The following ATE1 variants were observed in gnomAD, a reference collection of about 807,000 sequenced individuals.
ATE1 encodes the protein arginyl-tRNA--protein transferase 1.
ATE1 carries 36 observed loss-of-function variants against 70.5 expected under a neutral mutation model. That is an observed-to-expected ratio of 0.51 (90% CI 0.39 to 0.67). The LOEUF (loss-of-function observed/expected upper bound fraction) is 0.67. Among genes scored for constraint, ATE1 ranks in the 30% least tolerant of loss-of-function variants. ATE1 has a pLI of 0.00. For missense variants in ATE1, 593 were observed against 629.5 expected (o/e 0.94, Z 0.62); for synonymous variants, 232 against 219.3 (o/e 1.06, Z -0.51).
At position 121,800,045 on chromosome 10, in the gene ATE1, T is replaced by C. The variant is rs12357208; in HGVS notation, c.1258-9756A>G. On this transcript the variant is annotated intron_variant, in intron 10 of 11. Transcript: ENST00000224652. The stretch of plus-strand genomic sequence containing the variant: ...ATATGTGATTTTAATTTTAAAGGGC[T>C]TTAACATCTTTTTAAAAATCTTTCT... Among the ~76,000 whole-genome samples the C allele has an allele frequency of 0.022, 3,306 of 152,290 alleles. 190 individuals are homozygous for C. The East Asian group carries it at 0.26, about 12-fold the overall frequency.
intron 10 of ATE1, among the ~76,000 whole-genome samples, chr10:121,829,800 C>T (rs1055493833): frequency 6.6e-6 from 1 of 152,062 alleles, no homozygotes; most frequent in Non-Finnish European, 1.5e-5. Flanking sequence ...AAAACATGTT[C>T]GTAGATTTTT....
chr10:121,902,050 TA>T (rs1406647998), intron 6 of ATE1, among the ~76,000 whole-genome samples: 4 of 152,236 alleles, frequency 2.6e-5, no homozygotes, highest in Non-Finnish European at 5.9e-5. Flanking sequence ...TTTCACTATC[TA>T]AACCAAAACT....
intron 7 of ATE1, among the ~76,000 whole-genome samples, chr10:121,886,242 A>G (rs1950392738): frequency 6.6e-6 from 1 of 151,814 alleles, no homozygotes; most frequent in Non-Finnish European, 1.5e-5. Context: ...ACATAGCAAG[A>G]TCCTGCTTCT....
intron 7 of ATE1, among the ~76,000 whole-genome samples, chr10:121,875,088 G>A (rs987296079): frequency 7.1e-6 from 1 of 140,854 alleles, no homozygotes; most frequent in African/African-American, 2.6e-5. Context: ...GCAGTGAGTC[G>A]AGACCGCACC....
In ATE1 at chr10:121,918,676, C is replaced by T. The variant is rs184881999; in HGVS notation, c.233+3673G>A. 7.2e-5 allele frequency among the ~76,000 whole-genome samples: 11 copies of T among 152,136 alleles called. No homozygotes were observed. In the South Asian group the frequency reaches 1.0e-3, roughly 14 times the overall value. ...AGAAGATACCTTCTCTTTATAACCA[C>T]GAAAACTGAAAGAGGACAGCACAGG... On this transcript the variant is annotated intron_variant, in intron 3 of 11. Coordinates refer to ENST00000224652, the MANE Select transcript of ATE1 (RefSeq NM_001001976.3).
intron 7 of ATE1, among the ~76,000 whole-genome samples, chr10:121,872,091 G>C (rs1000137094): frequency 1.3e-5 from 2 of 152,108 alleles, no homozygotes; most frequent in African/African-American, 2.4e-5. Context: ...AGGGTTCTAC[G>C]CTTTTCCCCA....
At chr10:121,799,507 T>C (rs918497276) in intron 10 of ATE1, among the ~76,000 whole-genome samples, 6 of 151,936 alleles carry the variant, frequency 3.9e-5, no homozygotes, top group African/African-American at 1.5e-4. Flanking sequence ...GTCTCCCTCC[T>C]GAGCTCTCAA....
At chr10:121,922,916 C>T (rs1425648349) in intron 2 of ATE1, among the ~76,000 whole-genome samples, 1 of 152,156 alleles carries the variant, frequency 6.6e-6, no homozygotes, top group Admixed American at 6.6e-5. Flanking sequence ...TAAACTCCTC[C>T]CTGGAATTCA....
intron 10 of ATE1, among the ~76,000 whole-genome samples, chr10:121,805,321 T>C (rs1947053386): frequency 6.6e-6 from 1 of 152,234 alleles, no homozygotes; most frequent in Admixed American, 6.5e-5. Flanking sequence ...ATTATACTAA[T>C]ATATAATTAA....
Position 121,924,319 on chromosome 10 carries a change from T to A in ATE1, c.117A>T (p.Ala39=). ...ESGSRSNGMW[A]HSMTVQDYQD... ...GATAATCCTGTACTGTCATGGAATG[T>A]GCCCACATGCCTGAAAAAATAAGTA... is the stretch of plus-strand genomic sequence containing the variant. The change falls in exon 2 of 12, where the codon GCA becomes GCT. Residue 39 remains alanine (A), a synonymous_variant. Coordinates refer to ENST00000224652, the MANE Select transcript of ATE1 (RefSeq NM_001001976.3). 1 of 1,613,998 alleles carries A rather than the reference T, an allele frequency of 6.2e-7. No homozygotes were observed. Among genetic ancestry groups the A allele is most frequent in the Non-Finnish European group, 8.5e-7 (1 of 1,179,870 alleles).
At chr10:121,912,315 C>T (rs1466789512) in intron 4 of ATE1, among the ~76,000 whole-genome samples, 4 of 152,172 alleles carry the variant, frequency 2.6e-5, no homozygotes, top group South Asian at 4.2e-4. Context: ...AATTCAGAAG[C>T]CTGTAACAAG....
intron 10 of ATE1, among the ~76,000 whole-genome samples, chr10:121,821,003 G>T (rs577628320): frequency 6.6e-6 from 1 of 152,224 alleles, no homozygotes. Flanking sequence ...GCGCAGTGGC[G>T]CAATCTCGGC....
chr10:121,861,547 A>T (rs1039793955), intron 8 of ATE1, among the ~76,000 whole-genome samples: 2 of 141,286 alleles, frequency 1.4e-5, no homozygotes, highest in African/African-American at 5.2e-5. Flanking sequence ...AACAATGAGA[A>T]CACATGGACA....
chr10:121,911,806 G>A (rs961086466), intron 4 of ATE1, among the ~76,000 whole-genome samples: 2 of 151,984 alleles, frequency 1.3e-5, no homozygotes, highest in African/African-American at 4.8e-5. Context: ...CAGTGCAGGG[G>A]CGCGACCTCG....
intron 10 of ATE1, among the ~76,000 whole-genome samples, chr10:121,791,086 GTGTA>G (rs1408385995): frequency 1.0e-3 from 128 of 125,568 alleles, no homozygotes; most frequent in South Asian, 2.9e-3. Context: ...GTGTGTGTGT[GTGTA>G]TATATATTTT....
intron 10 of ATE1, among the ~76,000 whole-genome samples, chr10:121,798,395 T>G (rs544175977): frequency 3.3e-5 from 5 of 152,332 alleles, no homozygotes; most frequent in African/African-American, 1.2e-4. Context: ...TCAAAAGAGA[T>G]GTACAGCTTT....
intron 10 of ATE1, among the ~76,000 whole-genome samples, chr10:121,814,618 C>A (rs1947462452): frequency 6.6e-6 from 1 of 152,054 alleles, no homozygotes; most frequent in African/African-American, 2.4e-5. Flanking sequence ...CTACAGTTAT[C>A]CTATTTTATA....
chr10:121,911,609 C>T (rs1370963933), intron 4 of ATE1, among the ~76,000 whole-genome samples: 1 of 152,176 alleles, frequency 6.6e-6, no homozygotes, highest in Non-Finnish European at 1.5e-5. Flanking sequence ...AACTTCTACC[C>T]TTCCCCACAA....
chr10:121,904,617 G>A (rs1453579599), intron 5 of ATE1, among the ~76,000 whole-genome samples: 2 of 141,290 alleles, frequency 1.4e-5, no homozygotes, highest in Non-Finnish European at 3.0e-5. Context: ...CTCCAGCCTG[G>A]GTGACAGAGC....
Sources: gnomAD v4.1 joint callset for allele counts (sites outside exome capture counted in the v4.1 genomes callset) on GRCh38, gnomAD v4.1.1 for gene constraint, MANE v1.5 for transcripts, NCBI Gene and HGNC (gene_info 2026-07-23, HGNC 2026-07-21) for gene names.